Variants in CDH19 observed in about 807,000 individuals in gnomAD.
The protein encoded by CDH19 is cadherin-19.
CDH19 carries 67 observed loss-of-function variants against 64.2 expected under a neutral mutation model. The observed-to-expected ratio is 1.04, with a 90% CI of 0.86 to 1.28. The LOEUF (loss-of-function observed/expected upper bound fraction) is 1.28. Among genes scored for constraint, CDH19 ranks in the 50% most tolerant of loss-of-function variants. CDH19 has a pLI of 0.00. For synonymous variants in CDH19, 346 were observed against 319.3 expected (o/e 1.08, Z -0.89); for missense variants, 1,030 against 929.0 (o/e 1.11, Z -1.41).
Position 66,509,094 on chromosome 18 carries a change from C to G in CDH19, c.1729G>C (p.Gly577Arg), listed in dbSNP as rs770062227. The G allele has an allele frequency of 1.9e-6, 3 of 1,612,916 alleles. No individual in the cohort carries two copies. In the East Asian group the frequency reaches 6.7e-5, roughly 36 times the overall value. The stretch of plus-strand genomic sequence containing the variant: ...TGGTACTGGCAGGTCTGTGTGCTCC[C>G]ACTGTCACCACAGTCACAGACATGG... ...TIHVCDCGDS[G>R]STQTCQYQEL... Residue 577 changes from glycine to arginine, a missense_variant, in exon 11 of 12, where the codon GGG (glycine) becomes CGG (arginine). Physicochemically the swap from Gly to Arg is moderately radical, Grantham distance 125 (BLOSUM62 -2). Coordinates refer to ENST00000262150, the MANE Select transcript of CDH19 (RefSeq NM_021153.4).
chr18:66,595,512 GAAAAAAAAAA>G (rs55914622), intron 1 of CDH19, among the ~76,000 whole-genome samples: 1 of 84,122 alleles, frequency 1.2e-5, no homozygotes, highest in East Asian at 3.6e-4. Context: ...CGGCCCCACA[GAAAAAAAAAA>G]AAAAAAAAAA....
At chr18:66,559,400 G>T (rs888950892) in intron 3 of CDH19, among the ~76,000 whole-genome samples, 2 of 151,462 alleles carry the variant, frequency 1.3e-5, no homozygotes, top group Non-Finnish European at 2.9e-5. Flanking sequence ...ATAATAAAAA[G>T]AAAAAAATGT....
At position 66,501,281 on chromosome 18, in the gene CDH19, C is replaced by T. The variant is rs537317135; in HGVS notation, c.*3531G>A. 2.6e-5 allele frequency: 4 copies of T among 152,104 alleles called. No individual in the cohort carries two copies. The highest frequency in any genetic ancestry group is 9.6e-5 in the African/African-American group (4 of 41,498). 9.4% of individuals were successfully genotyped at this position (152,104 alleles called of 1,614,324 possible). A position where few individuals can be genotyped will look rare whatever the true frequency, so the allele number is the denominator to read the frequency against. On this transcript the variant is annotated 3_prime_UTR_variant, in exon 12 of 12. Coordinates refer to ENST00000262150, the MANE Select transcript of CDH19 (RefSeq NM_021153.4). ...TGAACAAGACTGACAATTTCTTGCCCATTAAGGGTTACATTCTAATAAGCG... is the reference window on the plus strand; with the variant it reads ...TGAACAAGACTGACAATTTCTTGCCTATTAAGGGTTACATTCTAATAAGCG...
chr18:66,522,113 T>A (rs77003819), intron 9 of CDH19, among the ~76,000 whole-genome samples: 3 of 149,432 alleles, frequency 2.0e-5, no homozygotes, highest in East Asian at 2.0e-4. Flanking sequence ...TGCCCGGCAA[T>A]TTTTTTTTGT....
At chr18:66,572,399 T>C (rs1988135751) in intron 1 of CDH19, 83 bp from the exon 2 acceptor site, 2 of 417,044 alleles carry the variant, frequency 4.8e-6, no homozygotes, top group South Asian at 7.3e-5. Flanking sequence ...TTACAACTTC[T>C]GCATCTGACA....
At chr18:66,518,360 A>G (rs1985831178) in intron 9 of CDH19, among the ~76,000 whole-genome samples, 1 of 151,904 alleles carries the variant, frequency 6.6e-6, no homozygotes. Context: ...CAGCCTCCTG[A>G]GTAGCTGGGA....
At chr18:66,560,404 T>C (rs1356400228) in intron 3 of CDH19, among the ~76,000 whole-genome samples, 1 of 152,038 alleles carries the variant, frequency 6.6e-6, no homozygotes, top group Non-Finnish European at 1.5e-5. Flanking sequence ...TTTTGTGATA[T>C]AAAATTTGGC....
At chr18:66,513,906 G>A (rs1985613124) in intron 9 of CDH19, among the ~76,000 whole-genome samples, 1 of 151,352 alleles carries the variant, frequency 6.6e-6, no homozygotes, top group Non-Finnish European at 1.5e-5. Context: ...TATTTCTGAT[G>A]CAGTACATTC....
intron 3 of CDH19, among the ~76,000 whole-genome samples, chr18:66,564,368 C>A (rs1345502076): frequency 6.6e-6 from 1 of 151,594 alleles, no homozygotes; most frequent in Non-Finnish European, 1.5e-5. Context: ...ACTAGTTATC[C>A]CCATTCATTT....
At chr18:66,526,830 T>C (rs1986238885) in intron 9 of CDH19, among the ~76,000 whole-genome samples, 2 of 152,046 alleles carry the variant, frequency 1.3e-5, no homozygotes, top group South Asian at 4.1e-4. Context: ...TATTTCATCA[T>C]TCTTTTTTTT....
intron 4 of CDH19, 54 bp from the exon 5 acceptor site, chr18:66,551,312 C>T: frequency 1.0e-6 from 1 of 995,982 alleles, no homozygotes; most frequent in Non-Finnish European, 1.6e-6. Flanking sequence ...TGACAAAGTT[C>T]TAGTTAATTT....
intron 1 of CDH19, among the ~76,000 whole-genome samples, chr18:66,580,780 A>C (rs186165490): frequency 6.6e-5 from 10 of 152,284 alleles, no homozygotes; most frequent in Non-Finnish European, 1.5e-5. Context: ...AACATTCAAG[A>C]AAAATGAATG....
intron 9 of CDH19, among the ~76,000 whole-genome samples, chr18:66,522,792 TA>T (rs1249182558): frequency 6.6e-5 from 10 of 151,660 alleles, no homozygotes; most frequent in South Asian, 2.1e-4. Flanking sequence ...ATTTTGGCCT[TA>T]AAAAAATTAT....
At chr18:66,517,608 G>T (rs1985794068) in intron 9 of CDH19, among the ~76,000 whole-genome samples, 1 of 151,946 alleles carries the variant, frequency 6.6e-6, no homozygotes, top group Non-Finnish European at 1.5e-5. Context: ...CCAGAGTAGA[G>T]TGTGACTACT....
At chr18:66,536,428 C>A (rs1986674035) in intron 7 of CDH19, among the ~76,000 whole-genome samples, 1 of 151,628 alleles carries the variant, frequency 6.6e-6, no homozygotes, top group Admixed American at 6.6e-5. Flanking sequence ...CCTTTCACAC[C>A]TAATAGAATT....
intron 9 of CDH19, among the ~76,000 whole-genome samples, chr18:66,519,888 C>T (rs2144377094): frequency 6.6e-6 from 1 of 152,100 alleles, no homozygotes; most frequent in South Asian, 2.1e-4. Flanking sequence ...CTATGTATTG[C>T]TTAAGAGTAA....
rs199952285 is a variant in CDH19, at chr18:66,511,696, A to G, written c.1459-11T>C. On this transcript the variant is annotated splice_polypyrimidine_tract_variant and intron_variant, in intron 9 of 11. Coordinates refer to ENST00000262150, the MANE Select transcript of CDH19 (RefSeq NM_021153.4). ...GATAGTCTGAATTACCTAAAAAAAAAGGGGGATAGATTTTTGTTGTTGTTT... is the reference window on the plus strand; with the variant it reads ...GATAGTCTGAATTACCTAAAAAAAAGGGGGGATAGATTTTTGTTGTTGTTT... The G allele has an allele frequency of 1.2e-3, 1,492 of 1,256,368 alleles. 2 individuals are homozygous for G. Among genetic ancestry groups the G allele is most frequent in the Middle Eastern group, 4.7e-3 (25 of 5,340 alleles). The allele number at this position is 1,256,368 out of a possible 1,614,324, so 77.8% of individuals were successfully genotyped here. A position where few individuals can be genotyped will look rare whatever the true frequency, so the allele number is the denominator to read the frequency against.
At chr18:66,524,950 G>C (rs1185487960) in intron 9 of CDH19, among the ~76,000 whole-genome samples, 1 of 151,878 alleles carries the variant, frequency 6.6e-6, no homozygotes, top group Non-Finnish European at 1.5e-5. Flanking sequence ...TTTCCATTTC[G>C]TTTGTGCCAC....
At chr18:66,543,656 C>G (rs549771508) in intron 7 of CDH19, among the ~76,000 whole-genome samples, 1 of 151,832 alleles carries the variant, frequency 6.6e-6, no homozygotes, top group Non-Finnish European at 1.5e-5. Flanking sequence ...AGGCCGAGGC[C>G]GGTGGATCAC....
Sources: allele counts gnomAD v4.1 joint callset (sites outside exome capture counted in the v4.1 genomes callset), GRCh38; gene constraint gnomAD v4.1.1; transcripts MANE v1.5; gene names NCBI Gene and HGNC (gene_info 2026-07-23, HGNC 2026-07-21).